The following USP8 variants were observed in gnomAD, a reference collection of about 807,000 sequenced individuals.
USP8 encodes the protein ubiquitin carboxyl-terminal hydrolase 8.
USP8 carries 27 observed loss-of-function variants against 130.0 expected under a neutral mutation model. That is an observed-to-expected ratio of 0.21 (90% CI 0.15 to 0.29). USP8 has a LOEUF of 0.29. Ranked by LOEUF, USP8 falls within the 10% of genes least tolerant of loss-of-function variation. The pLI, the probability that USP8 is intolerant of heterozygous loss-of-function variation, is 1.00. For missense variants in USP8, 1,029 were observed against 1,312.2 expected, an observed-to-expected ratio of 0.78 and a Z score of 3.33; for synonymous variants, 392 against 444.1, an observed-to-expected ratio of 0.88 and a Z score of 1.48.
chr15:50,489,310 AG>A (rs1167673438), intron 12 of USP8, among the ~76,000 whole-genome samples: 2 of 152,204 alleles, frequency 1.3e-5, no homozygotes, highest in Non-Finnish European at 2.9e-5. Context: ...TTCATTTGCT[AG>A]GATACTATAA....
At chr15:50,491,276 A>T (rs1171319374) in intron 14 of USP8, among the ~76,000 whole-genome samples, 1 of 152,194 alleles carries the variant, frequency 6.6e-6, no homozygotes, top group Non-Finnish European at 1.5e-5. Flanking sequence ...AAGGAATTTT[A>T]ATTAGGCTCT....
chr15:50,478,659 C>A (rs925925006), intron 10 of USP8, among the ~76,000 whole-genome samples: 1 of 152,128 alleles, frequency 6.6e-6, no homozygotes, highest in Non-Finnish European at 1.5e-5. Flanking sequence ...ATTGCATTTC[C>A]TTTCAACTTA....
At chr15:50,495,577 C>G (rs989666923) in intron 16 of USP8, among the ~76,000 whole-genome samples, 2 of 151,858 alleles carry the variant, frequency 1.3e-5, no homozygotes, top group Non-Finnish European at 2.9e-5. Flanking sequence ...GCTGGGATTA[C>G]AAGCATGAAC....
chr15:50,486,040 C>G (rs552354298), intron 12 of USP8, among the ~76,000 whole-genome samples: 1 of 151,732 alleles, frequency 6.6e-6, no homozygotes, highest in East Asian at 1.9e-4. Context: ...GATGCAGAAC[C>G]GATGAATACA....
intron 12 of USP8, among the ~76,000 whole-genome samples, chr15:50,485,190 C>T (rs907262734): frequency 1.2e-4 from 19 of 152,012 alleles, no homozygotes; most frequent in African/African-American, 4.1e-4. Flanking sequence ...TTGCTGGGAG[C>T]GGTGGCTCAC....
chr15:50,445,560 A>AAAAAAAAAAAAAAAAAAC (rs2050404365), intron 3 of USP8, among the ~76,000 whole-genome samples: 1 of 118,094 alleles, frequency 8.5e-6, no homozygotes, highest in African/African-American at 3.1e-5. Context: ...AAAAAAAAAA[A>AAAAAAAAAAAAAAAAAAC]AAAAAAAAAG....
At chr15:50,424,813 C>G (rs538349447) in intron 1 of USP8, among the ~76,000 whole-genome samples, 1 of 145,290 alleles carries the variant, frequency 6.9e-6, no homozygotes. Context: ...TGACCTCTTT[C>G]CTCTTGCTTC....
At position 50,449,492 on chromosome 15, in the gene USP8, A is replaced by C. The variant is rs761711198; in HGVS notation, c.335+7A>C. The C allele has an allele frequency of 2.0e-6, 3 of 1,480,828 alleles. No homozygotes were observed. Among genetic ancestry groups the C allele is most frequent in the Non-Finnish European group, 2.7e-6 (3 of 1,095,238 alleles). 91.7% of individuals were successfully genotyped at this position (1,480,828 alleles called of 1,614,324 possible). ...CTGAAAGCCTTAAATTAAGGTACAG[A>C]TATTATGAAATATTTAAAATAATGT... On this transcript the variant is annotated splice_region_variant and intron_variant, in intron 4 of 19. Coordinates refer to ENST00000307179, the MANE Select transcript of USP8 (RefSeq NM_005154.5).
chr15:50,486,400 TCA>T (rs2051962241), intron 12 of USP8, among the ~76,000 whole-genome samples: 1 of 151,906 alleles, frequency 6.6e-6, no homozygotes, highest in Non-Finnish European at 1.5e-5. Context: ...GGTGGGAGGA[TCA>T]CCTGATCCTG....
intron 4 of USP8, among the ~76,000 whole-genome samples, chr15:50,457,741 G>T (rs552850795): frequency 6.6e-6 from 1 of 150,998 alleles, no homozygotes; most frequent in South Asian, 2.1e-4. Flanking sequence ...TGTGCCTCTA[G>T]TCCCAGCTAC....
intron 4 of USP8, among the ~76,000 whole-genome samples, chr15:50,452,023 C>G (rs932779661): frequency 2.2e-4 from 34 of 152,318 alleles, no homozygotes; most frequent in African/African-American, 8.2e-4. Context: ...GGCCCCTGTC[C>G]TAGGGGTGGC....
intron 7 of USP8, among the ~76,000 whole-genome samples, chr15:50,466,194 T>C (rs990448605): frequency 2.0e-5 from 3 of 152,216 alleles, no homozygotes; most frequent in Non-Finnish European, 4.4e-5. Context: ...TTTAAAATTA[T>C]ATATTTTTAA....
chr15:50,458,009 A>G (rs1391824041), intron 4 of USP8, among the ~76,000 whole-genome samples: 4 of 151,750 alleles, frequency 2.6e-5, no homozygotes, highest in Non-Finnish European at 4.4e-5. Flanking sequence ...TTTCCTTTAC[A>G]TCTGTTTTAT....
chr15:50,476,203 G>A (rs149165744), intron 8 of USP8, among the ~76,000 whole-genome samples: 18 of 152,304 alleles, frequency 1.2e-4, no homozygotes, highest in Middle Eastern at 3.4e-3. Context: ...GCTGAGCCAG[G>A]TCGATCACTT....
chr15:50,454,459 T>C (rs998079347), intron 4 of USP8, among the ~76,000 whole-genome samples: 3 of 151,074 alleles, frequency 2.0e-5, no homozygotes, highest in Non-Finnish European at 3.0e-5. Context: ...TCTTTTCTTT[T>C]TTTTTTTTTT....
chr15:50,487,788 C>T (rs1419662403), intron 12 of USP8, among the ~76,000 whole-genome samples: 1 of 152,172 alleles, frequency 6.6e-6, no homozygotes, highest in South Asian at 2.1e-4. Flanking sequence ...TAAGAAGGCT[C>T]AATAAAACTT....
intron 10 of USP8, among the ~76,000 whole-genome samples, chr15:50,478,683 C>A (rs1310334135): frequency 6.6e-6 from 1 of 152,158 alleles, no homozygotes; most frequent in Non-Finnish European, 1.5e-5. Flanking sequence ...TATTTAAACG[C>A]TAATCCTTTT....
At position 50,506,292 on chromosome 15, in the gene USP8, A is replaced by T. The variant is rs1039385870; in HGVS notation, c.*7204A>T. ...GGAAGCGAGCGGCAAACCTACCCTG[A>T]GCACCGCCTCCTGTCAGATCAGCTG... is the stretch of plus-strand genomic sequence containing the variant. On this transcript the variant is annotated 3_prime_UTR_variant, in exon 20 of 20. Coordinates refer to ENST00000307179, the MANE Select transcript of USP8 (RefSeq NM_005154.5). 3 of 152,330 alleles carry T rather than the reference A, an allele frequency of 2.0e-5. No homozygotes were observed. Among genetic ancestry groups the T allele is most frequent in the Non-Finnish European group, 2.9e-5 (2 of 68,166 alleles). The allele number at this position is 152,330 out of a possible 1,614,324, so 9.4% of individuals were successfully genotyped here.
chr15:50,486,719 T>C (rs2051973357), intron 12 of USP8, among the ~76,000 whole-genome samples: 1 of 152,172 alleles, frequency 6.6e-6, no homozygotes, highest in South Asian at 2.1e-4. Flanking sequence ...AACCATGTTG[T>C]GTAAGAATGA....
Sources: allele counts gnomAD v4.1 joint callset (sites outside exome capture counted in the v4.1 genomes callset), GRCh38; gene constraint gnomAD v4.1.1; transcripts MANE v1.5; gene names NCBI Gene and HGNC (gene_info 2026-07-23, HGNC 2026-07-21).